Variants in WDR27 observed in about 807,000 individuals in gnomAD.
WDR27 encodes WD repeat-containing protein 27.
A neutral mutation model predicts 114.4 loss-of-function variants in WDR27; 100 were observed. The observed-to-expected ratio is 0.87, with a 90% confidence interval of 0.74 to 1.03. The LOEUF is 1.03. Among genes scored for constraint, WDR27 ranks in the 50% least tolerant of loss-of-function variants. The pLI, the probability that WDR27 is intolerant of heterozygous loss-of-function variation, is 0.00. For synonymous variants in WDR27, 449 were observed against 423.1 expected, an observed-to-expected ratio of 1.06 and a Z score of -0.75; for missense variants, 1,129 against 1,092.9, an observed-to-expected ratio of 1.03 and a Z score of -0.47.
chr6:169,487,931 G>T (rs1398146030), intron 25 of WDR27, among the ~76,000 whole-genome samples: 2 of 152,158 alleles, frequency 1.3e-5, no homozygotes, highest in East Asian at 3.9e-4. Context: ...TATCCTAACA[G>T]CTGAGCCCTT....
intron 2 of WDR27, among the ~76,000 whole-genome samples, chr6:169,685,288 AAAC>A (rs1024703397): frequency 4.6e-5 from 7 of 152,086 alleles, no homozygotes; most frequent in African/African-American, 1.4e-4. Context: ...AGCCAAAAAC[AAAC>A]AACAACAACA....
At chr6:169,650,465 A>G (rs1822081195) in intron 14 of WDR27, among the ~76,000 whole-genome samples, 1 of 105,600 alleles carries the variant, frequency 9.5e-6, no homozygotes, top group African/African-American at 3.9e-5. Context: ...CCCCTCATCT[A>G]TCCACCCACT....
chr6:169,440,977 GT>G, the WDR27 span, among the ~76,000 whole-genome samples: 364 of 151,376 alleles, frequency 2.4e-3, 2 homozygotes, highest in Middle Eastern at 6.8e-3. Flanking sequence ...TTGTTGCTGG[GT>G]TTTTTTTTCT....
At chr6:169,535,044 C>T (rs1796054624) in intron 25 of WDR27, among the ~76,000 whole-genome samples, 1 of 152,032 alleles carries the variant, frequency 6.6e-6, no homozygotes, top group Non-Finnish European at 1.5e-5. Context: ...TACAAGGCTA[C>T]CATGGCATAG....
intron 21 of WDR27, 26 bp downstream of exon 21, chr6:169,632,921 T>TA (rs1180583215): frequency 6.4e-7 from 1 of 1,571,098 alleles, no homozygotes; most frequent in African/African-American, 1.3e-5. Context: ...TTACAGATGA[T>TA]ACATGTTATC....
At chr6:169,599,004 ATACTTT>A (rs1374562214) in intron 23 of WDR27, among the ~76,000 whole-genome samples, 2 of 152,182 alleles carry the variant, frequency 1.3e-5, no homozygotes, top group African/African-American at 4.8e-5. Context: ...TTTTTTTATT[ATACTTT>A]AAGTTTTAGG....
At position 169,538,703 on chromosome 6, in the gene WDR27, T is replaced by TACACACACACACAC. The variant is rs10644528; in HGVS notation, c.2645+33702_2645+33715dup. Among the ~76,000 whole-genome samples the TACACACACACACAC allele has an allele frequency of 8.4e-4, 121 of 143,940 alleles. No homozygotes were observed. In the Middle Eastern group the frequency reaches 0.01, roughly 12 times the overall value. The allele number at this position is 143,940 out of a possible 152,430, so 94.4% of individuals were successfully genotyped here. A position where few individuals can be genotyped will look rare whatever the true frequency, so the allele number is the denominator to read the frequency against. The stretch of plus-strand genomic sequence containing the variant: ...ATAGTCAAGCCTCCACATACTGGAA[T>TACACACACACACAC]ACACACACACACACACACACACACA... On this transcript the variant is annotated intron_variant, in intron 25 of 25. Transcript: ENST00000448612.
chr6:169,470,727 T>C (rs1786257740), intron 25 of WDR27, among the ~76,000 whole-genome samples: 1 of 152,212 alleles, frequency 6.6e-6, no homozygotes, highest in African/African-American at 2.4e-5. Flanking sequence ...TATGAACTCT[T>C]TTAACCTTAA....
chr6:169,471,141 G>C (rs372292833), intron 25 of WDR27, among the ~76,000 whole-genome samples: 12 of 151,580 alleles, frequency 7.9e-5, no homozygotes, highest in African/African-American at 2.4e-4. Context: ...ATATTAAGTT[G>C]GTGCAAAAGT....
chr6:169,660,564 T>C, intron 10 of WDR27, 99 bp downstream of exon 10: 1 of 962,888 alleles, frequency 1.0e-6, no homozygotes, highest in Non-Finnish European at 1.6e-6. Context: ...CATCCTCAGA[T>C]TCACACGGCA....
At chr6:169,460,240 A>G (rs1354920220) in intron 25 of WDR27, among the ~76,000 whole-genome samples, 1 of 152,204 alleles carries the variant, frequency 6.6e-6, no homozygotes, top group East Asian at 1.9e-4. Context: ...AAGAATCACT[A>G]CTTTATGTTT....
At chr6:169,545,806 C>T (rs747844627) in intron 25 of WDR27, among the ~76,000 whole-genome samples, 1 of 152,108 alleles carries the variant, frequency 6.6e-6, no homozygotes, top group African/African-American at 2.4e-5. Flanking sequence ...ATCTAGACTA[C>T]ATACTTTCTA....
chr6:169,490,507 T>C (rs1789611438), intron 25 of WDR27, among the ~76,000 whole-genome samples: 1 of 152,200 alleles, frequency 6.6e-6, no homozygotes, highest in Admixed American at 6.5e-5. Flanking sequence ...CTGCATGTAC[T>C]TATCTGTCTG....
At chr6:169,509,371 T>G (rs1792447142) in intron 25 of WDR27, among the ~76,000 whole-genome samples, 1 of 152,130 alleles carries the variant, frequency 6.6e-6, no homozygotes, top group African/African-American at 2.4e-5. Flanking sequence ...GCTACCTGAC[T>G]TCAAACTATA....
chr6:169,698,407 GAC>G (rs143177967), intron 1 of WDR27, among the ~76,000 whole-genome samples: 3 of 151,566 alleles, frequency 2.0e-5, no homozygotes, highest in East Asian at 1.9e-4. Flanking sequence ...GGGACACACC[GAC>G]ACACACACAC....
At chr6:169,473,736 A>C (rs1301617204) in intron 25 of WDR27, among the ~76,000 whole-genome samples, 1 of 152,014 alleles carries the variant, frequency 6.6e-6, no homozygotes, top group African/African-American at 2.4e-5. Flanking sequence ...ACTTCCTTTC[A>C]GTTTCATCAC....
intron 25 of WDR27, among the ~76,000 whole-genome samples, chr6:169,563,093 G>A (rs187426791): frequency 7.2e-5 from 11 of 152,250 alleles, no homozygotes; most frequent in Admixed American, 3.3e-4. Context: ...AGGCAGCATC[G>A]AGTGAGGAGA....
At chr6:169,466,187 T>G (rs1284456031) in intron 25 of WDR27, among the ~76,000 whole-genome samples, 2 of 152,154 alleles carry the variant, frequency 1.3e-5, no homozygotes, top group Non-Finnish European at 2.9e-5. Flanking sequence ...TTGGTTAGGA[T>G]AAAAAATGAG....
At position 169,668,948 on chromosome 6, in the gene WDR27, T is replaced by C. The variant is rs190211312; in HGVS notation, c.457-763A>G. Among the ~76,000 whole-genome samples the C allele has an allele frequency of 5.3e-5, 8 of 152,256 alleles. No individual in the cohort carries two copies. The East Asian group carries it at 1.5e-3, about 29-fold the overall frequency. ...ACTGAGTACATTATGCCAGTTACCA[T>C]CAGATTGTTAAAAATAAAAGGCAAG... On this transcript the variant is annotated intron_variant, in intron 4 of 25. Transcript: ENST00000448612.
Sources: gnomAD v4.1 joint callset for allele counts (sites outside exome capture counted in the v4.1 genomes callset) on GRCh38, gnomAD v4.1.1 for gene constraint, MANE v1.5 for transcripts, NCBI Gene and HGNC (gene_info 2026-07-23, HGNC 2026-07-21) for gene names.